The following DYNC2H1 variants were observed in gnomAD, a reference collection of about 807,000 sequenced individuals.
DYNC2H1 encodes cytoplasmic dynein 2 heavy chain 1.
In DYNC2H1, 410 loss-of-function variants were observed where a neutral mutation model predicts 570.0. The observed-to-expected ratio is 0.72, with a 90% CI of 0.66 to 0.78. The LOEUF (loss-of-function observed/expected upper bound fraction) is 0.78. Among genes scored for constraint, DYNC2H1 ranks in the 30% least tolerant of loss-of-function variants. DYNC2H1 has a pLI of 0.00. For synonymous variants in DYNC2H1, 1,688 were observed against 1,677.6 expected (o/e 1.01, Z -0.15); for missense variants, 4,865 against 5,046.4 (o/e 0.96, Z 1.09).
rs1208913566 is a variant in DYNC2H1, at chr11:103,275,726, C to T, written c.10696-4622C>T. Reference sequence around the variant, plus strand: ...TTCTTTTTAATGTTGATTAAAATTCCTTTATCTGGAGGACCACAGTTTATC... The same window carrying T: ...TTCTTTTTAATGTTGATTAAAATTCTTTTATCTGGAGGACCACAGTTTATC... On this transcript the variant is annotated intron_variant, in intron 70 of 88. Transcript: ENST00000375735. This position sits in a 1 kb window ranked among gnomAD's most constrained non-coding sequence, Gnocchi z 4.8. Among the ~76,000 whole-genome samples the T allele has an allele frequency of 6.6e-6, 1 of 151,726 alleles. No individual in the cohort carries two copies. The highest frequency in any genetic ancestry group is 2.4e-5 in the African/African-American group (1 of 41,232).
At chr11:103,459,679 G>A (rs573173356) in intron 87 of DYNC2H1, among the ~76,000 whole-genome samples, 2 of 152,138 alleles carry the variant, frequency 1.3e-5, no homozygotes, top group African/African-American at 2.4e-5. Flanking sequence ...GTGGCCGGGC[G>A]CGGTGGCTCA....
chr11:103,110,890 A>G (rs186221686), intron 1 of DYNC2H1, among the ~76,000 whole-genome samples: 2,594 of 151,986 alleles, frequency 0.017, 71 homozygotes, highest in African/African-American at 0.057. Context: ...CAATGGCACA[A>G]TCTTGGCTCA....
chr11:103,313,510 C>G (rs1411482082), intron 79 of DYNC2H1, among the ~76,000 whole-genome samples: 2 of 152,144 alleles, frequency 1.3e-5, no homozygotes, highest in African/African-American at 2.4e-5. Flanking sequence ...AACTTTCCCC[C>G]TCATGCTGCT....
intron 36 of DYNC2H1, among the ~76,000 whole-genome samples, 181 bp downstream of exon 36, chr11:103,174,351 A>G (rs1214807465): frequency 6.6e-6 from 1 of 152,194 alleles, no homozygotes; most frequent in Non-Finnish European, 1.5e-5. Flanking sequence ...CAACTAATGA[A>G]TCAACTTTGA....
rs1282818088 is a variant in DYNC2H1, at chr11:103,275,516, C to G, written c.10696-4832C>G. Among the ~76,000 whole-genome samples, 1 of 152,132 alleles carries G rather than the reference C, an allele frequency of 6.6e-6. No homozygotes were observed. The highest frequency in any genetic ancestry group is 1.5e-5 in the Non-Finnish European group (1 of 68,030). On this transcript the variant is annotated intron_variant, in intron 70 of 88. Transcript: ENST00000375735. This position sits in a 1 kb window ranked among gnomAD's most constrained non-coding sequence, Gnocchi z 4.8. Reference sequence around the variant, plus strand: ...CCTTATCATTCCTGCTCACTTAACCCCTGGCAAACGCTGATCCTTTTACTG... The same window carrying G: ...CCTTATCATTCCTGCTCACTTAACCGCTGGCAAACGCTGATCCTTTTACTG...
intron 84 of DYNC2H1, chr11:103,402,389 A>C (rs1170594628): frequency 6.6e-6 from 1 of 152,166 alleles, no homozygotes; most frequent in Non-Finnish European, 1.5e-5. Context: ...TGGCCTTGAA[A>C]TGTGCTTTCT....
At chr11:103,351,629 T>C (rs1682587180) in intron 82 of DYNC2H1, among the ~76,000 whole-genome samples, 2 of 152,206 alleles carry the variant, frequency 1.3e-5, no homozygotes, top group Admixed American at 1.3e-4. Context: ...TGATGAAATA[T>C]AGTTTCTATG....
chr11:103,396,213 C>T (rs972853884), intron 83 of DYNC2H1, among the ~76,000 whole-genome samples: 1 of 152,118 alleles, frequency 6.6e-6, no homozygotes, highest in African/African-American at 2.4e-5. Context: ...TCTGATGTTA[C>T]CTAGACTCTA....
chr11:103,434,598 T>C (rs1943998442), intron 84 of DYNC2H1, among the ~76,000 whole-genome samples: 1 of 152,108 alleles, frequency 6.6e-6, no homozygotes, highest in South Asian at 2.1e-4. Flanking sequence ...GCACCCTGCC[T>C]CTGGTGTATC....
chr11:103,256,266 C>A lies in DYNC2H1; in HGVS notation c.10461+26C>A. 1 of 1,567,178 alleles carries A rather than the reference C, an allele frequency of 6.4e-7. No homozygotes were observed. Among genetic ancestry groups the A allele is most frequent in the Non-Finnish European group, 8.6e-7 (1 of 1,156,958 alleles). The stretch of plus-strand genomic sequence containing the variant: ...GTAATTATTTCCTTCTTTGTAATTT[C>A]GTATTATGTTTTCTTGAACATTTAG... On this transcript the variant is annotated intron_variant, in intron 68 of 88. Transcript: ENST00000375735. The surrounding 1 kb of genome is among the most constrained non-coding windows in gnomAD (Gnocchi z 4.0).
chr11:103,313,980 G>A (rs1369509464), intron 79 of DYNC2H1, among the ~76,000 whole-genome samples: 1 of 151,938 alleles, frequency 6.6e-6, no homozygotes, highest in East Asian at 1.9e-4. Flanking sequence ...TCTGTCCTTA[G>A]CCTAATATAT....
intron 83 of DYNC2H1, among the ~76,000 whole-genome samples, chr11:103,387,661 C>G (rs112954507): frequency 0.012 from 1,858 of 152,230 alleles, 34 homozygotes; most frequent in African/African-American, 0.042. Context: ...TTTAATCCAT[C>G]TTGAATTAAT....
At chr11:103,194,465 G>A (rs183609310) in intron 47 of DYNC2H1, among the ~76,000 whole-genome samples, 2 of 152,232 alleles carry the variant, frequency 1.3e-5, no homozygotes, top group Admixed American at 1.3e-4. Flanking sequence ...TGTGGTGCTT[G>A]CATGCTTACT....
Position 103,264,083 on chromosome 11 carries a change from G to C in DYNC2H1, c.10695+4106G>C, listed in dbSNP as rs1446846455. Among the ~76,000 whole-genome samples, 2 of 151,962 alleles carry C rather than the reference G, an allele frequency of 1.3e-5. No homozygotes were observed. The highest frequency in any genetic ancestry group is 4.8e-5 in the African/African-American group (2 of 41,366). On this transcript the variant is annotated intron_variant, in intron 70 of 88. Coordinates refer to ENST00000375735, the MANE Select transcript of DYNC2H1 (RefSeq NM_001377.3). The surrounding 1 kb of genome is among the most constrained non-coding windows in gnomAD (Gnocchi z 4.8). ...CAGAGAATACTATAAACACCTCTAC[G>C]CAAATAAACTAGAAAATCTAGAAGA...
At chr11:103,386,746 T>C (rs1025713469) in intron 83 of DYNC2H1, among the ~76,000 whole-genome samples, 8 of 151,898 alleles carry the variant, frequency 5.3e-5, no homozygotes, top group African/African-American at 1.9e-4. Context: ...TGAGAACATG[T>C]GGTGTTTGTT....
At chr11:103,312,774 T>G (rs1179175930) in intron 79 of DYNC2H1, among the ~76,000 whole-genome samples, 1 of 152,116 alleles carries the variant, frequency 6.6e-6, no homozygotes, top group Non-Finnish European at 1.5e-5. Flanking sequence ...AGGTATCATT[T>G]TTATAGTTTA....
chr11:103,383,826 A>G lies in DYNC2H1; in HGVS notation c.12157-15837A>G, dbSNP rs79153196. On this transcript the variant is annotated intron_variant, in intron 83 of 88. Transcript: ENST00000375735. ...ACTGAAGGCTATATTACTGAGCACCATTTTAACTATAACCCACAGCTTGAT... is the reference window on the plus strand; with the variant it reads ...ACTGAAGGCTATATTACTGAGCACCGTTTTAACTATAACCCACAGCTTGAT... 5.3e-5 allele frequency among the ~76,000 whole-genome samples: 8 copies of G among 152,232 alleles called. No individual in the cohort carries two copies. In the East Asian group the frequency reaches 1.4e-3, roughly 26 times the overall value.
chr11:103,411,588 T>C (rs1003535959), intron 84 of DYNC2H1, among the ~76,000 whole-genome samples: 1 of 152,104 alleles, frequency 6.6e-6, no homozygotes, highest in Non-Finnish European at 1.5e-5. Context: ...GATTATAATA[T>C]AATGTGGCTT....
Position 103,256,463 on chromosome 11 carries a change from T to A in DYNC2H1, c.10461+223T>A, listed in dbSNP as rs901584044. On this transcript the variant is annotated intron_variant, in intron 68 of 88. Coordinates refer to ENST00000375735, the MANE Select transcript of DYNC2H1 (RefSeq NM_001377.3). This position sits in a 1 kb window ranked among gnomAD's most constrained non-coding sequence, Gnocchi z 4.0. ...GTGTTTGTCAGTATACCCTGCTGCC[T>A]TCTACTGATTTCTGGCATAATGTTA... Among the ~76,000 whole-genome samples the A allele has an allele frequency of 6.6e-6, 1 of 152,172 alleles. No homozygotes were observed. Among genetic ancestry groups the A allele is most frequent in the Non-Finnish European group, 1.5e-5 (1 of 68,012 alleles).
Sources: allele counts gnomAD v4.1 joint callset (sites outside exome capture counted in the v4.1 genomes callset), GRCh38; gene constraint gnomAD v4.1.1; non-coding constraint Gnocchi (gnomAD v3.1); transcripts MANE v1.5; gene names NCBI Gene and HGNC (gene_info 2026-07-23, HGNC 2026-07-21).